The following PCTP variants were observed in gnomAD, a reference collection of about 807,000 sequenced individuals.
PCTP encodes the protein START domain-containing protein 2.
Under a neutral mutation model 31.0 loss-of-function variants are expected in PCTP, and 27 were observed. The ratio of observed to expected loss-of-function variants is 0.87; its 90% confidence interval spans 0.64 to 1.20. The LOEUF is 1.20. Among genes scored for constraint, PCTP ranks in the 50% most tolerant of loss-of-function variants. The pLI, the probability that PCTP is intolerant of heterozygous loss-of-function variation, is 0.00. For missense variants in PCTP, 287 were observed against 268.2 expected, an observed-to-expected ratio of 1.07 and a Z score of -0.49; for synonymous variants, 108 against 101.2, an observed-to-expected ratio of 1.07 and a Z score of -0.40.
At position 55,828,579 on chromosome 17, in the gene PCTP, T is replaced by G. The variant is rs558049607; in HGVS notation, n.505+5652T>G. Among the ~76,000 whole-genome samples the G allele has an allele frequency of 2.0e-5, 3 of 152,362 alleles. No individual in the cohort carries two copies. The East Asian group carries it at 5.8e-4, about 29-fold the overall frequency. On this transcript the variant is annotated intron_variant and non_coding_transcript_variant, in intron 5 of 5. Coordinates refer to the PCTP transcript ENST00000576221. ...CTCTAATGACCTCATCTTAACTTGA[T>G]GACATCTAGAAAAACTCTGTTTCCA... is the stretch of plus-strand genomic sequence containing the variant.
At chr17:55,833,046 T>C (rs1200874819) in intron 5 of PCTP, among the ~76,000 whole-genome samples, 1 of 152,190 alleles carries the variant, frequency 6.6e-6, no homozygotes, top group East Asian at 1.9e-4. Context: ...ACCGCCACTC[T>C]GTCCTTCAGA....
chr17:55,787,635 A>C (rs1295276130), exon 3 of PCTP: 1 of 152,214 alleles, frequency 6.6e-6, no homozygotes, highest in African/African-American at 2.4e-5. Flanking sequence ...GATTACAGGC[A>C]TGAGCCACCA....
downstream of PCTP, among the ~76,000 whole-genome samples, chr17:55,843,961 T>C (rs115371322): frequency 3.9e-4 from 60 of 152,272 alleles, no homozygotes; most frequent in African/African-American, 1.4e-3. Context: ...ATAACTATTA[T>C]TTTAAGAAGC....
At chr17:55,798,720 TA>T (rs1912268627) in intron 3 of PCTP, among the ~76,000 whole-genome samples, 1 of 151,738 alleles carries the variant, frequency 6.6e-6, no homozygotes, top group Non-Finnish European at 1.5e-5. Flanking sequence ...TTATAGTACA[TA>T]AAATACTAAA....
chr17:55,849,771 AC>A, the PCTP span, among the ~76,000 whole-genome samples: 1 of 152,022 alleles, frequency 6.6e-6, no homozygotes, highest in African/African-American at 2.4e-5. Context: ...TGCCAAAAAA[AC>A]AAAACTATAG....
chr17:55,778,469 G>A (rs192776916), downstream of PCTP, among the ~76,000 whole-genome samples: 160 of 152,264 alleles, frequency 1.1e-3, no homozygotes, highest in African/African-American at 3.5e-3. Flanking sequence ...GTAGGCACTC[G>A]AATGGTGACT....
At chr17:55,843,134 C>G (rs1185051016), downstream of PCTP, among the ~76,000 whole-genome samples, 4 of 152,042 alleles carry the variant, frequency 2.6e-5, no homozygotes, top group Non-Finnish European at 4.4e-5. Context: ...TAAAAAAATT[C>G]TAACTACTTG....
intron 5 of PCTP, among the ~76,000 whole-genome samples, chr17:55,828,728 G>T (rs544641262): frequency 9.8e-5 from 15 of 152,290 alleles, no homozygotes; most frequent in African/African-American, 3.4e-4. Flanking sequence ...ATGGAGCCCA[G>T]TAGTAAGAGC....
At chr17:55,836,542 G>A (rs1905783185) in intron 5 of PCTP, among the ~76,000 whole-genome samples, 1 of 152,096 alleles carries the variant, frequency 6.6e-6, no homozygotes, top group Admixed American at 6.5e-5. Flanking sequence ...TGCAGAACTG[G>A]GAGACTTCCT....
At chr17:55,824,378 A>G (rs1905329684), downstream of PCTP, among the ~76,000 whole-genome samples, 1 of 152,212 alleles carries the variant, frequency 6.6e-6, no homozygotes, top group Admixed American at 6.5e-5. Flanking sequence ...CCCCAAAGAC[A>G]GTAGGCATGA....
intron 5 of PCTP, among the ~76,000 whole-genome samples, chr17:55,829,577 T>C (rs1183312197): frequency 1.3e-5 from 2 of 152,164 alleles, no homozygotes; most frequent in Non-Finnish European, 2.9e-5. Flanking sequence ...TCTGAAGTGC[T>C]GGGATTATAA....
At chr17:55,846,338 G>C (rs1236572872), downstream of PCTP, among the ~76,000 whole-genome samples, 1 of 152,168 alleles carries the variant, frequency 6.6e-6, no homozygotes, top group Non-Finnish European at 1.5e-5. Flanking sequence ...ACATAAAGTG[G>C]TGAAGAAAAC....
At chr17:55,805,717 T>C (rs1372427847) in intron 3 of PCTP, among the ~76,000 whole-genome samples, 1 of 152,132 alleles carries the variant, frequency 6.6e-6, no homozygotes, top group African/African-American at 2.4e-5. Flanking sequence ...ACAATACCAT[T>C]TAAAAATGTG....
chr17:55,768,058 C>T (rs1206248785), intron 2 of PCTP, among the ~76,000 whole-genome samples: 1 of 145,154 alleles, frequency 6.9e-6, no homozygotes, highest in Non-Finnish European at 1.5e-5. Flanking sequence ...TGTACTTCAG[C>T]AGGGACAACA....
At chr17:55,802,784 G>A (rs1912431128) in intron 3 of PCTP, among the ~76,000 whole-genome samples, 1 of 152,158 alleles carries the variant, frequency 6.6e-6, no homozygotes, top group Non-Finnish European at 1.5e-5. Flanking sequence ...AAAACTGGAA[G>A]CATTCCCTTT....
chr17:55,800,759 G>T (rs893388259), intron 3 of PCTP, among the ~76,000 whole-genome samples: 11 of 152,064 alleles, frequency 7.2e-5, no homozygotes, highest in African/African-American at 2.7e-4. Flanking sequence ...CATCTTTGTG[G>T]ATTTATCTAC....
At chr17:55,838,926 C>T (rs1012410293) in intron 5 of PCTP, among the ~76,000 whole-genome samples, 15 of 152,164 alleles carry the variant, frequency 9.9e-5, no homozygotes, top group African/African-American at 2.4e-4. Context: ...TGCTAAGGCT[C>T]GGGGGAAACT....
intron 3 of PCTP, among the ~76,000 whole-genome samples, chr17:55,799,007 ATATT>A (rs1444555117): frequency 2.6e-5 from 4 of 151,840 alleles, no homozygotes; most frequent in Non-Finnish European, 4.4e-5. Flanking sequence ...TATTAATAAA[ATATT>A]TATGTTTGAA....
chr17:55,762,143 T>A (rs1910371551), intron 1 of PCTP, among the ~76,000 whole-genome samples: 1 of 152,152 alleles, frequency 6.6e-6, no homozygotes, highest in South Asian at 2.1e-4. Context: ...GATCAGAGAA[T>A]ACTTTTCCCT....
Sources: gnomAD v4.1 joint callset for allele counts (sites outside exome capture counted in the v4.1 genomes callset) on GRCh38, gnomAD v4.1.1 for gene constraint, MANE v1.5 for transcripts, NCBI Gene and HGNC (gene_info 2026-07-23, HGNC 2026-07-21) for gene names.